Variants in ZNF540 observed in about 807,000 individuals in gnomAD.
The protein encoded by ZNF540 is zinc finger protein 540.
ZNF540 carries 3 observed loss-of-function variants against 11.8 expected under a neutral mutation model. The ratio of observed to expected loss-of-function variants is 0.25; its 90% CI spans 0.12 to 0.65. ZNF540 has a LOEUF of 0.65. ZNF540 is among the 30% of genes least tolerant of loss of function. The probability of loss-of-function intolerance (pLI) is 0.83; values close to 1 mark genes in which losing one functional copy is unlikely to be tolerated. For synonymous variants in ZNF540, 247 were observed against 259.0 expected (o/e 0.95, Z 0.45); for missense variants, 709 against 793.1 (o/e 0.89, Z 1.27).
At chr19:37,602,363 G>T (rs1465228239) in intron 4 of ZNF540, among the ~76,000 whole-genome samples, 1 of 152,140 alleles carries the variant, frequency 6.6e-6, no homozygotes, top group African/African-American at 2.4e-5. Context: ...ATTAACTTGG[G>T]TGTCCAGCCA....
chr19:37,573,291 C>A (rs1006061803), intron 1 of ZNF540, among the ~76,000 whole-genome samples: 1 of 152,140 alleles, frequency 6.6e-6, no homozygotes, highest in Admixed American at 6.5e-5. Flanking sequence ...CTATTATTAA[C>A]GGCATGATTG....
At chr19:37,565,776 T>C (rs1292130239) in intron 1 of ZNF540, 1 of 1,613,794 alleles carries the variant, frequency 6.2e-7, no homozygotes. Context: ...TTTTCATTAG[T>C]ATGAATTTTC....
chr19:37,604,228 T>A (rs1423760164), intron 4 of ZNF540, among the ~76,000 whole-genome samples: 1 of 151,586 alleles, frequency 6.6e-6, no homozygotes, highest in Non-Finnish European at 1.5e-5. Flanking sequence ...TCCTTAAAAT[T>A]TTTTATTCTG....
intron 1 of ZNF540, chr19:37,565,187 G>A: frequency 6.2e-7 from 1 of 1,613,100 alleles, no homozygotes; most frequent in Non-Finnish European, 8.5e-7. Flanking sequence ...CTTCTCTCCG[G>A]TATGAATTCT....
At chr19:37,589,209 A>AG (rs1238796225) in intron 1 of ZNF540, among the ~76,000 whole-genome samples, 2 of 150,924 alleles carry the variant, frequency 1.3e-5, no homozygotes, top group Non-Finnish European at 3.0e-5. Flanking sequence ...TCAAAAAAAA[A>AG]AAAAAAAAAA....
At chr19:37,564,520 G>A in intron 1 of ZNF540, 1 of 1,341,526 alleles carries the variant, frequency 7.5e-7, no homozygotes, top group Non-Finnish European at 9.8e-7. Context: ...ATTCTGAGCA[G>A]AAGCAAGATG....
At chr19:37,560,716 T>G (rs1004127546) in intron 1 of ZNF540, 1 of 152,128 alleles carries the variant, frequency 6.6e-6, no homozygotes, top group Admixed American at 6.5e-5. Context: ...TTTGAACAGT[T>G]ATGATGGTAA....
chr19:37,564,553 A>G (rs1277727112), intron 1 of ZNF540: 3 of 1,450,050 alleles, frequency 2.1e-6, no homozygotes, highest in Admixed American at 2.5e-5. Flanking sequence ...TATAGATATG[A>G]AATAGATGAA....
chr19:37,608,406 C>G (rs932381835), intron 4 of ZNF540, among the ~76,000 whole-genome samples: 1 of 152,158 alleles, frequency 6.6e-6, no homozygotes, highest in Non-Finnish European at 1.5e-5. Flanking sequence ...ATTCATCTCT[C>G]TGTTTTCATT....
intron 4 of ZNF540, among the ~76,000 whole-genome samples, chr19:37,608,688 TCA>T (rs1390933262): frequency 1.3e-5 from 2 of 152,182 alleles, no homozygotes; most frequent in Non-Finnish European, 2.9e-5. Flanking sequence ...GAATTAGGTC[TCA>T]GTCTTTCGGT....
chr19:37,562,378 T>TG (rs2042727022), intron 1 of ZNF540: 1 of 77,498 alleles, frequency 1.3e-5, no homozygotes, highest in Non-Finnish European at 3.8e-5. Context: ...CGAAACTCCG[T>TG]TTTTTTTTTG....
chr19:37,564,704 AG>A (rs1278237575), intron 1 of ZNF540: 1 of 1,613,470 alleles, frequency 6.2e-7, no homozygotes, highest in Non-Finnish European at 8.5e-7. Context: ...CCTTTGATGC[AG>A]AGTAAGTTCT....
intron 1 of ZNF540, among the ~76,000 whole-genome samples, chr19:37,561,114 A>T (rs574870231): frequency 5.3e-5 from 8 of 151,014 alleles, no homozygotes; most frequent in Non-Finnish European, 1.0e-4. Flanking sequence ...GGTGGTGCAC[A>T]CCTATAGTCC....
chr19:37,565,575 C>T lies in ZNF540; in HGVS notation c.-73+13910C>T, dbSNP rs757481842. ...TGAGAGCCAAGAATAAAGGCCTTCC[C>T]ACAATCCTTACATTCATAGGGTTTT... On this transcript the variant is annotated intron_variant, in intron 1 of 4. Coordinates refer to the ZNF540 transcript ENST00000592533. The T allele has an allele frequency of 3.8e-5, 61 of 1,612,616 alleles. No individual in the cohort carries two copies. The highest frequency in any genetic ancestry group is 4.6e-5 in the Non-Finnish European group (54 of 1,179,600).
rs73617141 is a variant in ZNF540, at chr19:37,571,213, C to T, written c.-73+19548C>T. Among the ~76,000 whole-genome samples, 902 of 152,108 alleles carry T rather than the reference C, an allele frequency of 5.9e-3. 10 individuals carry two copies. The highest frequency in any genetic ancestry group is 0.02 in the African/African-American group (849 of 41,514). ...GATTTTGCCTTACAAATTCAAACTACGATTCCAGGCACGGTGGCTCATGCC... is the reference window on the plus strand; with the variant it reads ...GATTTTGCCTTACAAATTCAAACTATGATTCCAGGCACGGTGGCTCATGCC... On this transcript the variant is annotated intron_variant, in intron 1 of 4. Transcript: ENST00000592533.
Position 37,564,831 on chromosome 19 carries a change from T to A in ZNF540, c.-73+13166T>A, listed in dbSNP as rs1014873362. ...CGAATAAAAGCCTTCCCACACTGTT[T>A]ACATTCATAAGGTTTTTCACCTCTG... On this transcript the variant is annotated intron_variant, in intron 1 of 4. Coordinates refer to the ZNF540 transcript ENST00000592533. 5.0e-6 allele frequency: 8 copies of A among 1,613,922 alleles called. No homozygotes were observed. The African/African-American group carries it at 1.1e-4, about 22-fold the overall frequency.
intron 1 of ZNF540, among the ~76,000 whole-genome samples, chr19:37,587,971 A>C (rs1464183701): frequency 6.6e-6 from 1 of 151,902 alleles, no homozygotes; most frequent in Non-Finnish European, 1.5e-5. Flanking sequence ...ATGGTGGCAC[A>C]TGCCTGTAGT....
At chr19:37,604,183 ATTTC>A (rs1282898144) in intron 4 of ZNF540, among the ~76,000 whole-genome samples, 2 of 139,612 alleles carry the variant, frequency 1.4e-5, no homozygotes, top group African/African-American at 5.5e-5. Context: ...TAGGCTTTTT[ATTTC>A]TTCTGTGGTC....
intron 1 of ZNF540, chr19:37,585,842 TGTAA>T (rs1397297182): frequency 6.6e-6 from 1 of 152,164 alleles, no homozygotes; most frequent in Non-Finnish European, 1.5e-5. Flanking sequence ...CCAATGTATT[TGTAA>T]GTGATAGAGG....
Sources: gnomAD v4.1 joint callset for allele counts (sites outside exome capture counted in the v4.1 genomes callset) on GRCh38, gnomAD v4.1.1 for gene constraint, MANE v1.5 for transcripts, NCBI Gene and HGNC (gene_info 2026-07-23, HGNC 2026-07-21) for gene names.